ITGB2: variants seen among roughly 807,000 people sequenced by gnomAD.
The protein encoded by ITGB2 is integrin subunit beta 2.
ITGB2 carries 56 observed loss-of-function variants against 86.8 expected under a neutral mutation model. The observed-to-expected ratio is 0.65, with a 90% CI of 0.52 to 0.81. The LOEUF is 0.81. Ranked by LOEUF, ITGB2 falls within the 30% of genes least tolerant of loss-of-function variation. ITGB2 has a pLI of 0.00. For missense variants in ITGB2, 948 were observed against 1,061.2 expected (o/e 0.89, Z 1.48); for synonymous variants, 457 against 450.4 (o/e 1.01, Z -0.19).
intron 7 of ITGB2, among the ~76,000 whole-genome samples, chr21:44,899,640 G>A (rs1250163646): frequency 6.6e-6 from 1 of 152,232 alleles, no homozygotes; most frequent in Non-Finnish European, 1.5e-5. Flanking sequence ...ACGTCAGGCT[G>A]CAAGAGCGTC....
intron 15 of ITGB2, 112 bp downstream of exon 15, chr21:44,886,624 G>T: frequency 6.6e-7 from 1 of 1,522,564 alleles, no homozygotes; most frequent in Admixed American, 1.7e-5. Flanking sequence ...AGCTGCCTGG[G>T]GAGGCCGGGG....
chr21:44,891,303 C>T (rs2083782766), intron 11 of ITGB2, among the ~76,000 whole-genome samples: 1 of 152,126 alleles, frequency 6.6e-6, no homozygotes, highest in Non-Finnish European at 1.5e-5. Flanking sequence ...GCCTATGGGG[C>T]CCAGGCTCCC....
rs551489583 is a variant in ITGB2 at position 44,903,672 on chromosome 21, G to T, written c.329-137C>A. On this transcript the variant is annotated intron_variant, in intron 4 of 15. Coordinates refer to ENST00000652462, the MANE Select transcript of ITGB2 (RefSeq NM_000211.5). ...AATCCTCCTGACCTCCCCTCTCCCC[G>T]CCTGGCAGGAGAGCTGAGGACCAGA... is the stretch of plus-strand genomic sequence containing the variant. 5 of 980,294 alleles carry T rather than the reference G, an allele frequency of 5.1e-6. No individual in the cohort carries two copies. In the East Asian group the frequency reaches 7.9e-5, roughly 15 times the overall value. 60.7% of individuals were successfully genotyped at this position (980,294 alleles called of 1,614,324 possible). A position where few individuals can be genotyped will look rare whatever the true frequency, so the allele number is the denominator to read the frequency against.
chr21:44,893,785 G>A, intron 9 of ITGB2: 1 of 515,604 alleles, frequency 1.9e-6, no homozygotes, highest in Non-Finnish European at 3.6e-6. Flanking sequence ...TGAGCCTCAG[G>A]GGTGGGAGCT....
intron 9 of ITGB2, chr21:44,894,683 T>G (rs2083838290): frequency 2.2e-6 from 1 of 460,776 alleles, no homozygotes; most frequent in Non-Finnish European, 4.0e-6. Flanking sequence ...TCCACCTCCC[T>G]TCTCCATAGA....
chr21:44,889,604 G>T, intron 12 of ITGB2, 109 bp from the exon 13 acceptor site: 2 of 1,069,968 alleles, frequency 1.9e-6, no homozygotes, highest in Non-Finnish European at 2.8e-6. Context: ...CTCCAGCCTG[G>T]GGGATGTTCC....
intron 1 of ITGB2, among the ~76,000 whole-genome samples, chr21:44,919,188 G>A (rs1340405499): frequency 2.0e-5 from 3 of 152,184 alleles, no homozygotes; most frequent in African/African-American, 7.2e-5. Context: ...CTGGCCATGT[G>A]GGACATCTGT....
chr21:44,898,671 C>A (rs2083903154), intron 8 of ITGB2, among the ~76,000 whole-genome samples: 1 of 152,240 alleles, frequency 6.6e-6, no homozygotes, highest in Non-Finnish European at 1.5e-5. Flanking sequence ...TCCCACTCCG[C>A]ACTCCAAGCT....
At chr21:44,890,734 C>G (rs2083775054) in intron 11 of ITGB2, among the ~76,000 whole-genome samples, 2 of 152,156 alleles carry the variant, frequency 1.3e-5, no homozygotes, top group South Asian at 4.1e-4. Flanking sequence ...CCACACACAC[C>G]CTGAGGCATC....
Position 44,910,986 on chromosome 21 carries a change from T to A in ITGB2, c.-3-201A>T, listed in dbSNP as rs543478022. Reference sequence around the variant, plus strand: ...GAGGGAGGGATCCCGGGCTCAGCAGTGCGGGCAGCACACCTGCTCAGCCAG... The same window carrying A: ...GAGGGAGGGATCCCGGGCTCAGCAGAGCGGGCAGCACACCTGCTCAGCCAG... On this transcript the variant is annotated intron_variant, in intron 1 of 15. Coordinates refer to ENST00000652462, the MANE Select transcript of ITGB2 (RefSeq NM_000211.5). 1.2e-4 allele frequency: 75 copies of A among 605,930 alleles called. No individual in the cohort carries two copies. In the South Asian group the frequency reaches 1.4e-3, roughly 11 times the overall value. The allele number at this position is 605,930 out of a possible 1,614,324, so 37.5% of individuals were successfully genotyped here.
rs199976562 is a variant in ITGB2, at chr21:44,890,068, C to G, written c.1567G>C (p.Asp523His). Residue 523 changes from aspartate (D) to histidine (H), a missense_variant, in exon 12 of 16, where the codon GAC (aspartate) becomes CAC (histidine). Physicochemically the swap from Asp to His is moderately conservative, Grantham distance 81. Transcript: ENST00000652462. Reference sequence around the variant, plus strand: ...CCGTATATCAGCTTGCCGGGGACGTCGCTGGTGTGGCACAGGCACTGCCCG... The same window carrying G: ...CCGTATATCAGCTTGCCGGGGACGTGGCTGGTGTGGCACAGGCACTGCCCG... ...VCGQCLCHTS[D>H]VPGKLIYGQY... 1 of 1,613,372 alleles carries G rather than the reference C, an allele frequency of 6.2e-7. No individual in the cohort carries two copies. The highest frequency in any genetic ancestry group is 8.5e-7 in the Non-Finnish European group (1 of 1,180,034).
chr21:44,903,489 G>C lies in ITGB2; in HGVS notation c.375C>G (p.Tyr125Ter). The C allele has an allele frequency of 6.2e-7, 1 of 1,614,102 alleles. No homozygotes were observed. Among genetic ancestry groups the C allele is most frequent in the Non-Finnish European group, 8.5e-7 (1 of 1,179,968 alleles). ...FNVTFRRAKG[Y>*]PIDLYYLMDL... is the part of the protein sequence containing the mutation. ...CCATCAGATAGTACAGGTCGATGGG[G>C]TAGCCCTTGGCCCGCCGGAAGGTCA... Residue 125 changes from tyrosine (Y) to a stop codon, truncating the protein, a stop_gained, in exon 5 of 16, where the codon TAC becomes TAG. Transcript: ENST00000652462. LOFTEE classifies it high-confidence loss of function.
rs759363240 is a variant in ITGB2 at position 44,889,547 on chromosome 21, C to T, written c.1658-52G>A. 2.0e-6 allele frequency: 3 copies of T among 1,494,370 alleles called. No homozygotes were observed. In the South Asian group the frequency reaches 3.6e-5, roughly 18 times the overall value. 92.6% of individuals were successfully genotyped at this position (1,494,370 alleles called of 1,614,324 possible). On this transcript the variant is annotated intron_variant, in intron 12 of 15. Transcript: ENST00000652462. ...CTCCTGCTTGGCCTGGGAACCGAGA[C>T]CCGCCCGAAACCCCACTGCGGTTGC...
At position 44,899,061 on chromosome 21, in the gene ITGB2, A is replaced by T. The variant is rs1374911814; in HGVS notation, c.993+6T>A. The T allele has an allele frequency of 1.2e-6, 2 of 1,609,740 alleles. No homozygotes were observed. Among genetic ancestry groups the T allele is most frequent in the Admixed American group, 3.3e-5 (2 of 60,004 alleles). ...CAATGGATGCTCGGGACCCAACAGC[A>T]CTCACCTCGTAGGTCTTCACCATCC... On this transcript the variant is annotated splice_donor_region_variant and intron_variant, in intron 8 of 15. Transcript: ENST00000652462.
chr21:44,886,310 G>C lies in ITGB2; in HGVS notation c.*58C>G. On this transcript the variant is annotated 3_prime_UTR_variant, in exon 16 of 16. Coordinates refer to ENST00000652462, the MANE Select transcript of ITGB2 (RefSeq NM_000211.5). ...CAAGAGCTGTGGCAAGCCATGTCTCGGCCGCGTGATGGGGCAGACATGGTG... is the reference window on the plus strand; with the variant it reads ...CAAGAGCTGTGGCAAGCCATGTCTCCGCCGCGTGATGGGGCAGACATGGTG... 1 of 1,441,330 alleles carries C rather than the reference G, an allele frequency of 6.9e-7. No homozygotes were observed. The allele number at this position is 1,441,330 out of a possible 1,614,324, so 89.3% of individuals were successfully genotyped here. A position where few individuals can be genotyped will look rare whatever the true frequency, so the allele number is the denominator to read the frequency against.
chr21:44,894,868 C>T, intron 9 of ITGB2, 103 bp downstream of exon 9: 1 of 861,994 alleles, frequency 1.2e-6, no homozygotes, highest in Non-Finnish European at 2.0e-6. Context: ...CAGGGGCTTT[C>T]CTCCCAGACC....
intron 6 of ITGB2, 51 bp downstream of exon 6, chr21:44,901,441 G>T: frequency 6.3e-7 from 1 of 1,599,486 alleles, no homozygotes; most frequent in Non-Finnish European, 8.5e-7. Flanking sequence ...GCCTGACAGA[G>T]CCCCCCACAC....
Sources: allele counts gnomAD v4.1 joint callset (sites outside exome capture counted in the v4.1 genomes callset), GRCh38; gene constraint gnomAD v4.1.1; transcripts MANE v1.5; gene names NCBI Gene and HGNC (gene_info 2026-07-23, HGNC 2026-07-21).